Variants in CBX6 observed in about 807,000 individuals in gnomAD.
CBX6 encodes chromobox protein homolog 6.
In CBX6, 7 loss-of-function variants were observed where a neutral mutation model predicts 28.4. That is an observed-to-expected ratio of 0.25 (90% CI 0.14 to 0.46). The LOEUF is 0.46. CBX6 is among the 20% of genes least tolerant of loss of function. The pLI, the probability that CBX6 is intolerant of heterozygous loss-of-function variation, is 0.99. For missense variants in CBX6, 512 were observed against 606.1 expected (o/e 0.84, Z 1.63); for synonymous variants, 297 against 273.4 (o/e 1.09, Z -0.85).
At position 38,866,552 on chromosome 22, in the gene CBX6, G is replaced by T. The variant is rs958240158; in HGVS notation, c.896C>A (p.Thr299Asn). ...DDTPPKLLPE[T>N]VSPSAPSWRE... Reference sequence around the variant, plus strand: ...CCAGCTGGGGGCGGATGGGCTCACGGTCTCGGGGAGGAGCTTGGGGGGCGT... The same window carrying T: ...CCAGCTGGGGGCGGATGGGCTCACGTTCTCGGGGAGGAGCTTGGGGGGCGT... The change falls in exon 5 of 5, where the codon ACC (threonine) becomes AAC (asparagine). Residue 299 changes from threonine to asparagine, a missense_variant. Thr to Asn is a moderately conservative substitution (Grantham distance 65). Coordinates refer to ENST00000407418, the MANE Select transcript of CBX6 (RefSeq NM_014292.5). The surrounding 1 kb of genome is among the most constrained non-coding windows in gnomAD (Gnocchi z 7.5). 6.3e-7 allele frequency: 1 copy of T among 1,578,528 alleles called. No homozygotes were observed. The highest frequency in any genetic ancestry group is 8.5e-7 in the Non-Finnish European group (1 of 1,169,614).
In CBX6 at chr22:38,862,432, C is replaced by G. The variant is rs538331836; in HGVS notation, c.*3777G>C. ...AGTGTTTCCTCAAACCATCCCCGTC[C>G]CAAAGAGGCCGCCTTGGGCAAGTGC... On this transcript the variant is annotated 3_prime_UTR_variant, in exon 5 of 5. Transcript: ENST00000407418. 11 of 147,214 alleles carry G rather than the reference C, an allele frequency of 7.5e-5. No individual in the cohort carries two copies. The highest frequency in any genetic ancestry group is 3.2e-3 in the Middle Eastern group (1 of 308). 9.1% of individuals were successfully genotyped at this position (147,214 alleles called of 1,614,324 possible). A position where few individuals can be genotyped will look rare whatever the true frequency, so the allele number is the denominator to read the frequency against.
In CBX6 at chr22:38,869,958, A is replaced by T. The variant is rs558045161; in HGVS notation, c.246+1522T>A. The stretch of plus-strand genomic sequence containing the variant: ...GCCCCAGAACAATGTGTTCAGCCCA[A>T]GCTAATCTCCATAGCCCCTCACAAA... On this transcript the variant is annotated intron_variant, in intron 4 of 4. Coordinates refer to ENST00000407418, the MANE Select transcript of CBX6 (RefSeq NM_014292.5). 6 of 152,346 alleles carry T rather than the reference A, an allele frequency of 3.9e-5. No individual in the cohort carries two copies. The South Asian group carries it at 1.2e-3, about 32-fold the overall frequency. The allele number at this position is 152,346 out of a possible 1,614,324, so 9.4% of individuals were successfully genotyped here.
At position 38,866,682 on chromosome 22, in the gene CBX6, C is replaced by T. The variant is rs373948109; in HGVS notation, c.766G>A (p.Gly256Ser). ...GGGGCGGCCAGAAGTAGCCCAGGGC[C>T]CGGGGCTGAGGCCTCAGCCTTGCCG... is the stretch of plus-strand genomic sequence containing the variant. ...SPGKAEASAP[G>S]PGLLLAAPAA... The change falls in exon 5 of 5, where the codon GGC becomes AGC. Residue 256 changes from glycine (G) to serine (S), a missense_variant. Around this residue, in one of 7 missense-constraint regions of CBX6, gnomAD observed 290 missense variants for 274.1 expected, o/e 1.06. Transcript: ENST00000407418. The surrounding 1 kb of genome is among the most constrained non-coding windows in gnomAD (Gnocchi z 7.5). 5 of 1,523,754 alleles carry T rather than the reference C, an allele frequency of 3.3e-6. No individual in the cohort carries two copies. In the South Asian group the frequency reaches 6.1e-5, roughly 19 times the overall value. 94.4% of individuals were successfully genotyped at this position (1,523,754 alleles called of 1,614,324 possible). A position where few individuals can be genotyped will look rare whatever the true frequency, so the allele number is the denominator to read the frequency against.
intron 4 of CBX6, among the ~76,000 whole-genome samples, chr22:38,868,792 G>A (rs1331609054): frequency 6.6e-6 from 1 of 152,184 alleles, no homozygotes; most frequent in South Asian, 2.1e-4. Flanking sequence ...ACTCCCCACA[G>A]CATTGGATGC....
At position 38,870,365 on chromosome 22, in the gene CBX6, C is replaced by G. The variant is rs578125737; in HGVS notation, c.246+1115G>C. The stretch of plus-strand genomic sequence containing the variant: ...AGAACTATCAAGAAAAAAAGGCGTT[C>G]TGTGTATCAATGCTCATGGTCATAC... On this transcript the variant is annotated intron_variant, in intron 4 of 4. Transcript: ENST00000407418. The surrounding 1 kb of genome is among the most constrained non-coding windows in gnomAD (Gnocchi z 4.3). The G allele has an allele frequency of 6.6e-6, 1 of 152,366 alleles. No homozygotes were observed. The highest frequency in any genetic ancestry group is 6.5e-5 in the Admixed American group (1 of 15,296). The allele number at this position is 152,366 out of a possible 1,614,324, so 9.4% of individuals were successfully genotyped here. A position where few individuals can be genotyped will look rare whatever the true frequency, so the allele number is the denominator to read the frequency against.
Position 38,866,622 on chromosome 22 carries a change from A to G in CBX6, c.826T>C (p.Ser276Pro). ...APYDARSSGS[S>P]GCPSPTPQSS... ...TGTGGTGTAGGCGAGGGGCAGCCGG[A>G]GGAGCCAGAGCTGCGGGCGTCGTAG... The change falls in exon 5 of 5, where the codon TCC becomes CCC. Residue 276 changes from serine (S) to proline (P), a missense_variant. By Grantham distance (74) the Ser-to-Pro change is moderately conservative. Around this residue, in one of 7 missense-constraint regions of CBX6, gnomAD observed 290 missense variants for 274.1 expected, o/e 1.06. Transcript: ENST00000407418. This position sits in a 1 kb window ranked among gnomAD's most constrained non-coding sequence, Gnocchi z 7.5. 2.1e-6 allele frequency: 3 copies of G among 1,406,952 alleles called. No individual in the cohort carries two copies. Among genetic ancestry groups the G allele is most frequent in the Non-Finnish European group, 2.8e-6 (3 of 1,071,932 alleles). The allele number at this position is 1,406,952 out of a possible 1,614,324, so 87.2% of individuals were successfully genotyped here.
rs1215104781 is a variant in CBX6, at chr22:38,862,583, A to AACC, written c.*3623_*3625dup. 6.6e-6 allele frequency: 1 copy of AACC among 152,522 alleles called. No homozygotes were observed. The highest frequency in any genetic ancestry group is 6.5e-5 in the Admixed American group (1 of 15,288). The allele number at this position is 152,522 out of a possible 1,614,324, so 9.4% of individuals were successfully genotyped here. ...AAAGAAAAACAAAAGAAAAAAGAAA[A>AACC]ACCACCACAAACCAAAACAACAAAA... On this transcript the variant is annotated 3_prime_UTR_variant, in exon 5 of 5. Transcript: ENST00000407418.
chr22:38,872,152 G>C lies in CBX6; in HGVS notation c.39C>G (p.Ala13=). The change falls in exon 1 of 5, where the codon GCC becomes GCG. Residue 13 remains alanine, a synonymous_variant. Transcript: ENST00000407418. The surrounding 1 kb of genome is among the most constrained non-coding windows in gnomAD (Gnocchi z 5.0). ...LSAVGERVFA[A]ESIIKRRIRK... Reference sequence around the variant, plus strand: ...GGATCCGCCGTTTGATGATGGATTCGGCCGCGAAGACCCGCTCGCCCACTG... The same window carrying C: ...GGATCCGCCGTTTGATGATGGATTCCGCCGCGAAGACCCGCTCGCCCACTG... 2.8e-6 allele frequency: 4 copies of C among 1,427,808 alleles called. No homozygotes were observed. The highest frequency in any genetic ancestry group is 3.7e-6 in the Non-Finnish European group (4 of 1,075,290). The allele number at this position is 1,427,808 out of a possible 1,614,324, so 88.4% of individuals were successfully genotyped here.
Position 38,865,718 on chromosome 22 carries a change from G to C in CBX6, c.*491C>G, listed in dbSNP as rs1290418077. ...CCTGGCTGATGTGGAGGGAGGAGCC[G>C]AGTCAGGCCTCATCCTTGGCCTCTG... On this transcript the variant is annotated 3_prime_UTR_variant, in exon 5 of 5. Transcript: ENST00000407418. 1 of 158,996 alleles carries C rather than the reference G, an allele frequency of 6.3e-6. No homozygotes were observed. The highest frequency in any genetic ancestry group is 1.4e-5 in the Non-Finnish European group (1 of 72,160). 9.8% of individuals were successfully genotyped at this position (158,996 alleles called of 1,614,324 possible). A position where few individuals can be genotyped will look rare whatever the true frequency, so the allele number is the denominator to read the frequency against.
In CBX6 at chr22:38,862,483, C is replaced by T. The variant is rs2093159372; in HGVS notation, c.*3726G>A. On this transcript the variant is annotated 3_prime_UTR_variant, in exon 5 of 5. Transcript: ENST00000407418. ...ATGGGAGCCCGGAAGTGGAACTGAC[C>T]AGGTGGGGCTCCACTGTCCTGTGTG... The T allele has an allele frequency of 7.9e-6, 1 of 126,712 alleles. No homozygotes were observed. The highest frequency in any genetic ancestry group is 3.2e-5 in the African/African-American group (1 of 31,060). The allele number at this position is 126,712 out of a possible 1,614,324, so 7.8% of individuals were successfully genotyped here. A position where few individuals can be genotyped will look rare whatever the true frequency, so the allele number is the denominator to read the frequency against.
rs143661367 is a variant in CBX6 at position 38,863,782 on chromosome 22, G to A, written c.*2427C>T. ...TTTCAGGCCAGGGAGGCTCAGAGAG[G>A]TTGTGGGCTTTAGGGTGACCCGTGG... On this transcript the variant is annotated 3_prime_UTR_variant, in exon 5 of 5. Coordinates refer to ENST00000407418, the MANE Select transcript of CBX6 (RefSeq NM_014292.5). 2,701 of 152,324 alleles carry A rather than the reference G, an allele frequency of 0.018. 34 individuals carry two copies. The highest frequency in any genetic ancestry group is 0.024 in the Non-Finnish European group (1,662 of 68,060). 9.4% of individuals were successfully genotyped at this position (152,324 alleles called of 1,614,324 possible). A position where few individuals can be genotyped will look rare whatever the true frequency, so the allele number is the denominator to read the frequency against.
At chr22:38,869,907 G>A (rs1014319533) in intron 4 of CBX6, 1 of 152,166 alleles carries the variant, frequency 6.6e-6, no homozygotes. Context: ...GTAATTTGCT[G>A]ACTCTGCCAT....
intron 4 of CBX6, among the ~76,000 whole-genome samples, chr22:38,868,831 G>A (rs1014612432): frequency 6.6e-6 from 1 of 152,162 alleles, no homozygotes; most frequent in African/African-American, 2.4e-5. Flanking sequence ...TAGCCCATAT[G>A]CCTCTCAGAC....
At chr22:38,867,953 C>A (rs2093174536) in intron 4 of CBX6, among the ~76,000 whole-genome samples, 1 of 152,270 alleles carries the variant, frequency 6.6e-6, no homozygotes, top group Admixed American at 6.5e-5. Flanking sequence ...ACTGCCTATT[C>A]TCTGTGCCAA....
rs1017466110 is a variant in CBX6, at chr22:38,862,782, C to G, written c.*3427G>C. 2.6e-5 allele frequency: 4 copies of G among 152,228 alleles called. No homozygotes were observed. Among genetic ancestry groups the G allele is most frequent in the African/African-American group, 7.2e-5 (3 of 41,440 alleles). 9.4% of individuals were successfully genotyped at this position (152,228 alleles called of 1,614,324 possible). A position where few individuals can be genotyped will look rare whatever the true frequency, so the allele number is the denominator to read the frequency against. On this transcript the variant is annotated 3_prime_UTR_variant, in exon 5 of 5. Coordinates refer to ENST00000407418, the MANE Select transcript of CBX6 (RefSeq NM_014292.5). ...TCCAGGACCTCCTGGCTCAGGGGCTCGAGGCCAGTCTTGTGCTGGCTCCAG... is the reference window on the plus strand; with the variant it reads ...TCCAGGACCTCCTGGCTCAGGGGCTGGAGGCCAGTCTTGTGCTGGCTCCAG...
rs750125146 is a variant in CBX6, at chr22:38,866,600, G to C, written c.848C>G (p.Pro283Arg). Residue 283 changes from proline to arginine, a missense_variant, in exon 5 of 5, where the codon CCA becomes CGA. Pro to Arg is a moderately radical substitution (Grantham distance 103, BLOSUM62 -2). This residue lies in a region of CBX6 where 290 missense variants were observed against 274.1 expected (regional missense o/e 1.06). Transcript: ENST00000407418. This position sits in a 1 kb window ranked among gnomAD's most constrained non-coding sequence, Gnocchi z 7.5. ...CGTGTCGTCGGGGTCAGAGGACTGT[G>C]GTGTAGGCGAGGGGCAGCCGGAGGA... ...SGSSGCPSPTPQSSDPDDTPP... is the reference protein window; with the variant it reads ...SGSSGCPSPTRQSSDPDDTPP... 64 of 1,560,854 alleles carry C rather than the reference G, an allele frequency of 4.1e-5. 1 individual carries two copies. The highest frequency in any genetic ancestry group is 3.4e-6 in the Non-Finnish European group (4 of 1,160,054).
At position 38,866,614 on chromosome 22, in the gene CBX6, G is replaced by A. The variant is rs1470068865; in HGVS notation, c.834C>T (p.Cys278=). 1.3e-6 allele frequency: 2 copies of A among 1,517,374 alleles called. No homozygotes were observed. The highest frequency in any genetic ancestry group is 1.9e-4 in the Middle Eastern group (1 of 5,206). 94.0% of individuals were successfully genotyped at this position (1,517,374 alleles called of 1,614,324 possible). The change falls in exon 5 of 5, where the codon TGC becomes TGT. Residue 278 remains cysteine (C), a synonymous_variant. Transcript: ENST00000407418. This position sits in a 1 kb window ranked among gnomAD's most constrained non-coding sequence, Gnocchi z 7.5. ...YDARSSGSSG[C]PSPTPQSSDP... is the part of the protein sequence containing the mutation. ...CAGAGGACTGTGGTGTAGGCGAGGG[G>A]CAGCCGGAGGAGCCAGAGCTGCGGG...
At chr22:38,869,214 T>G (rs897857817) in intron 4 of CBX6, among the ~76,000 whole-genome samples, 2 of 152,190 alleles carry the variant, frequency 1.3e-5, no homozygotes, top group Non-Finnish European at 2.9e-5. Flanking sequence ...AAGTGTTTAC[T>G]CCCTCTGCAA....
chr22:38,867,216 A>AT lies in CBX6; in HGVS notation c.247-16_247-15insA. 5.9e-6 allele frequency: 2 copies of AT among 341,676 alleles called. No individual in the cohort carries two copies. Among genetic ancestry groups the AT allele is most frequent in the Non-Finnish European group, 1.1e-5 (2 of 175,438 alleles). 21.2% of individuals were successfully genotyped at this position (341,676 alleles called of 1,614,324 possible). A position where few individuals can be genotyped will look rare whatever the true frequency, so the allele number is the denominator to read the frequency against. Reference sequence around the variant, plus strand: ...TGGGCCCGCGCCTGCGGGCAGAGGGAGGGGTGGGTGGGACCTCAGGACTGC... The same window carrying AT: ...TGGGCCCGCGCCTGCGGGCAGAGGGATGGGGTGGGTGGGACCTCAGGACTGC... On this transcript the variant is annotated splice_polypyrimidine_tract_variant and intron_variant, in intron 4 of 4. Transcript: ENST00000407418.
Sources: allele counts gnomAD v4.1 joint callset (sites outside exome capture counted in the v4.1 genomes callset), GRCh38; gene constraint gnomAD v4.1.1; regional missense constraint gnomAD v4.1.1; non-coding constraint Gnocchi (gnomAD v3.1); transcripts MANE v1.5; gene names NCBI Gene and HGNC (gene_info 2026-07-23, HGNC 2026-07-21).